KCNN3: variants seen among roughly 807,000 people sequenced by gnomAD.
The protein encoded by KCNN3 is small conductance calcium-activated potassium channel protein 3.
KCNN3 carries 16 observed loss-of-function variants against 62.9 expected under a neutral mutation model. The ratio of observed to expected loss-of-function variants is 0.25; its 90% CI spans 0.17 to 0.39. The LOEUF (loss-of-function observed/expected upper bound fraction) is 0.39. Among genes scored for constraint, KCNN3 ranks in the 10% least tolerant of loss-of-function variants. The probability of loss-of-function intolerance (pLI) is 1.00; values close to 1 mark genes in which losing one functional copy is unlikely to be tolerated. For missense variants in KCNN3, 599 were observed against 949.4 expected (o/e 0.63, Z 4.85); for synonymous variants, 370 against 389.2 (o/e 0.95, Z 0.58).
chr1:154,857,018 T>A (rs2101929451), intron 1 of KCNN3, among the ~76,000 whole-genome samples: 1 of 152,162 alleles, frequency 6.6e-6, no homozygotes, highest in South Asian at 2.1e-4. Flanking sequence ...TGCCCTTGTC[T>A]CTCGCAAAGC....
chr1:154,770,795 G>A (rs1006641451), intron 3 of KCNN3, among the ~76,000 whole-genome samples: 2 of 152,108 alleles, frequency 1.3e-5, no homozygotes, highest in African/African-American at 2.4e-5. Context: ...AGTGGCTCAC[G>A]CCTGTAATCC....
chr1:154,724,210 G>T (rs553529973), intron 5 of KCNN3, among the ~76,000 whole-genome samples: 5 of 152,194 alleles, frequency 3.3e-5, no homozygotes, highest in Admixed American at 2.6e-4. Context: ...GGCCTTGGCC[G>T]CTGCACACTC....
chr1:154,798,670 A>G (rs944169776), intron 2 of KCNN3, among the ~76,000 whole-genome samples: 1 of 152,212 alleles, frequency 6.6e-6, no homozygotes, highest in Non-Finnish European at 1.5e-5. Context: ...CATCACAAGC[A>G]TTCTCTGGTT....
chr1:154,860,608 G>A (rs1464441788), intron 1 of KCNN3, among the ~76,000 whole-genome samples: 1 of 152,162 alleles, frequency 6.6e-6, no homozygotes, highest in African/African-American at 2.4e-5. Flanking sequence ...ACCCAACAAG[G>A]TCTATCCAGA....
In KCNN3 at chr1:154,870,133, G is replaced by T; in HGVS notation, c.-169C>A. ...CTCTGGGGCTGCCTGGAGTCCAGAC[G>T]CTGCCACTCAAGAATGCATTGTATT... On this transcript the variant is annotated 5_prime_UTR_variant, in exon 1 of 8. Coordinates refer to ENST00000271915, the MANE Select transcript of KCNN3 (RefSeq NM_002249.6). The T allele has an allele frequency of 1.3e-6, 1 of 786,630 alleles. No individual in the cohort carries two copies. The highest frequency in any genetic ancestry group is 2.2e-6 in the Non-Finnish European group (1 of 450,460). The allele number at this position is 786,630 out of a possible 1,614,324, so 48.7% of individuals were successfully genotyped here. A position where few individuals can be genotyped will look rare whatever the true frequency, so the allele number is the denominator to read the frequency against.
chr1:154,785,740 G>C (rs1004745614), intron 2 of KCNN3, among the ~76,000 whole-genome samples: 1 of 151,732 alleles, frequency 6.6e-6, no homozygotes, highest in African/African-American at 2.4e-5. Context: ...GCTACCACGA[G>C]TAGCTGTGCA....
chr1:154,851,483 C>G (rs1652297605), intron 1 of KCNN3, among the ~76,000 whole-genome samples: 1 of 152,180 alleles, frequency 6.6e-6, no homozygotes, highest in Non-Finnish European at 1.5e-5. Flanking sequence ...CACAAACTCC[C>G]TGTCTTCCCC....
chr1:154,859,122 C>T (rs1652653697), intron 1 of KCNN3, among the ~76,000 whole-genome samples: 1 of 152,258 alleles, frequency 6.6e-6, no homozygotes, highest in Admixed American at 6.5e-5. Flanking sequence ...CAAGCCCTCA[C>T]CTTGGGAGAA....
At chr1:154,811,397 G>A (rs954787768) in intron 2 of KCNN3, among the ~76,000 whole-genome samples, 17 of 152,100 alleles carry the variant, frequency 1.1e-4, no homozygotes, top group African/African-American at 1.7e-4. Context: ...GACAATTAAC[G>A]TCACTGAACC....
intron 2 of KCNN3, among the ~76,000 whole-genome samples, chr1:154,814,458 G>A (rs938342858): frequency 3.9e-5 from 6 of 152,184 alleles, no homozygotes; most frequent in Admixed American, 1.3e-4. Flanking sequence ...GGACAAGTAA[G>A]AGCCGCTGCT....
intron 2 of KCNN3, among the ~76,000 whole-genome samples, chr1:154,817,106 C>CTAATTTATCTAATTTAATAGAT: frequency 6.6e-6 from 1 of 152,200 alleles, no homozygotes; most frequent in Non-Finnish European, 1.5e-5. Context: ...TTAATCTGTA[C>CTAATTTATCTAATTTAATAGAT]AATAACCCTT....
At chr1:154,845,187 A>AC (rs1308724935) in intron 1 of KCNN3, among the ~76,000 whole-genome samples, 1 of 152,000 alleles carries the variant, frequency 6.6e-6, no homozygotes, top group Non-Finnish European at 1.5e-5. Flanking sequence ...CTCAGACAAC[A>AC]CCTCAGAATC....
chr1:154,830,678 G>A (rs542073988), intron 1 of KCNN3, among the ~76,000 whole-genome samples: 42 of 152,322 alleles, frequency 2.8e-4, no homozygotes, highest in Admixed American at 6.5e-4. Flanking sequence ...AGAAGGAGAC[G>A]GAACCTGATG....
At chr1:154,732,933 T>C in intron 4 of KCNN3, 70 bp downstream of exon 4, 3 of 1,581,666 alleles carry the variant, frequency 1.9e-6, no homozygotes, top group Non-Finnish European at 2.6e-6. Flanking sequence ...GGCCCCTATG[T>C]GCTTGCAAGA....
intron 2 of KCNN3, among the ~76,000 whole-genome samples, chr1:154,791,448 G>A (rs983424041): frequency 3.3e-5 from 5 of 152,056 alleles, no homozygotes; most frequent in African/African-American, 1.2e-4. Context: ...GCCTCCCGCT[G>A]GCTGTGGCTA....
chr1:154,818,155 G>T (rs1650743835), intron 2 of KCNN3, among the ~76,000 whole-genome samples: 2 of 152,228 alleles, frequency 1.3e-5, no homozygotes, highest in African/African-American at 2.4e-5. Flanking sequence ...GAAAAGAGGT[G>T]CCTGAGTCTT....
chr1:154,775,298 T>C (rs954432876), intron 2 of KCNN3, among the ~76,000 whole-genome samples: 9 of 152,190 alleles, frequency 5.9e-5, no homozygotes, highest in Non-Finnish European at 1.0e-4. Flanking sequence ...TTTTAGCATC[T>C]ACCTGTGATA....
chr1:154,838,353 T>C (rs532217801), intron 1 of KCNN3, among the ~76,000 whole-genome samples: 1 of 152,248 alleles, frequency 6.6e-6, no homozygotes, highest in African/African-American at 2.4e-5. Context: ...CCATAGCAAG[T>C]AATTTAAGAC....
chr1:154,760,267 G>C (rs935762411), intron 3 of KCNN3, among the ~76,000 whole-genome samples: 3 of 151,478 alleles, frequency 2.0e-5, no homozygotes, highest in Non-Finnish European at 4.4e-5. Flanking sequence ...TAATATAAAA[G>C]TACGAAAAAA....
Sources: gnomAD v4.1 joint callset for allele counts (sites outside exome capture counted in the v4.1 genomes callset) on GRCh38, gnomAD v4.1.1 for gene constraint, MANE v1.5 for transcripts, NCBI Gene and HGNC (gene_info 2026-07-23, HGNC 2026-07-21) for gene names.